MAGI2: variants seen among roughly 807,000 people sequenced by gnomAD.
MAGI2 encodes membrane-associated guanylate kinase, WW and PDZ domain-containing protein 2.
A neutral mutation model predicts 133.3 loss-of-function variants in MAGI2; 35 were observed. That is an observed-to-expected ratio of 0.26 (90% CI 0.20 to 0.35). MAGI2 has a LOEUF of 0.35. Ranked by LOEUF, MAGI2 falls within the 10% of genes least tolerant of loss-of-function variation. The pLI, the probability that MAGI2 is intolerant of heterozygous loss-of-function variation, is 1.00. For missense variants in MAGI2, 1,636 were observed against 1,863.4 expected (o/e 0.88, Z 2.25); for synonymous variants, 729 against 710.6 (o/e 1.03, Z -0.41).
At chr7:78,197,012 TG>T (rs1025412475) in intron 11 of MAGI2, among the ~76,000 whole-genome samples, 21 of 152,190 alleles carry the variant, frequency 1.4e-4, no homozygotes, top group Admixed American at 1.2e-3. Context: ...AATATCACAC[TG>T]GGGGGAATAA....
chr7:78,490,489 T>C (rs1793500140), intron 5 of MAGI2, among the ~76,000 whole-genome samples: 1 of 152,048 alleles, frequency 6.6e-6, no homozygotes, highest in African/African-American at 2.4e-5. Flanking sequence ...ATAATATTTT[T>C]GAAAAAAATG....
rs1824701222 is a variant in MAGI2 at position 78,159,131 on chromosome 7, GTAATAATAAAAC to G, written c.2845+882_2845+893del. Among the ~76,000 whole-genome samples the G allele has an allele frequency of 2.0e-5, 3 of 152,258 alleles. No individual in the cohort carries two copies. The South Asian group carries it at 6.2e-4, about 32-fold the overall frequency. On this transcript the variant is annotated intron_variant, in intron 16 of 21. Transcript: ENST00000354212. ...TGAATGCTCGGGGAGACTGATTTGAGTAATAATAAAACTCTGTCTCCCCGCACAGCCGGCTCT... is the reference window on the plus strand; with the variant it reads ...TGAATGCTCGGGGAGACTGATTTGAGTCTGTCTCCCCGCACAGCCGGCTCT...
At chr7:78,168,158 CTTTTTTT>C in intron 14 of MAGI2, 50 bp from the exon 15 acceptor site, 1 of 1,276,692 alleles carries the variant, frequency 7.8e-7, no homozygotes, top group Admixed American at 2.2e-5. Flanking sequence ...ATCCTTTTTC[CTTTTTTT>C]TTTTTTTCGA....
intron 2 of MAGI2, among the ~76,000 whole-genome samples, chr7:78,748,861 T>C (rs1278109831): frequency 1.3e-5 from 2 of 152,164 alleles, no homozygotes; most frequent in African/African-American, 2.4e-5. Context: ...TTCACATGGG[T>C]TTTGCATAAT....
intron 2 of MAGI2, among the ~76,000 whole-genome samples, chr7:78,781,358 G>A (rs551185924): frequency 1.0e-4 from 13 of 128,506 alleles, no homozygotes; most frequent in South Asian, 2.5e-4. Flanking sequence ...CAGCCTGGGC[G>A]ACACAGTGAG....
At chr7:78,503,167 G>T (rs1584420493) in intron 4 of MAGI2, among the ~76,000 whole-genome samples, 1 of 152,062 alleles carries the variant, frequency 6.6e-6, no homozygotes. Context: ...AGTAATCCAA[G>T]AACTTAACTC....
intron 21 of MAGI2, among the ~76,000 whole-genome samples, chr7:78,042,587 G>A (rs1412147915): frequency 6.6e-6 from 1 of 152,198 alleles, no homozygotes; most frequent in Non-Finnish European, 1.5e-5. Flanking sequence ...AATGCTCTAA[G>A]CCTTGGTTTT....
At chr7:79,286,326 T>C (rs1479829191) in intron 1 of MAGI2, among the ~76,000 whole-genome samples, 1 of 152,034 alleles carries the variant, frequency 6.6e-6, no homozygotes, top group Non-Finnish European at 1.5e-5. Context: ...AGTTGGATAG[T>C]ATCCCCATTT....
intron 1 of MAGI2, among the ~76,000 whole-genome samples, chr7:79,127,981 G>T (rs1408982756): frequency 6.6e-6 from 1 of 152,100 alleles, no homozygotes; most frequent in Admixed American, 6.5e-5. Context: ...TTTGTATAAG[G>T]TGTAAGGAAG....
At chr7:78,160,295 G>C (rs183941954) in intron 15 of MAGI2, 22 bp from the exon 16 acceptor site, 1 of 1,551,714 alleles carries the variant, frequency 6.4e-7, no homozygotes, top group East Asian at 2.3e-5. Flanking sequence ...ACCACACACA[G>C]GTAATCAATT....
At chr7:79,060,865 A>T (rs1813662358) in intron 1 of MAGI2, among the ~76,000 whole-genome samples, 1 of 152,088 alleles carries the variant, frequency 6.6e-6, no homozygotes, top group Non-Finnish European at 1.5e-5. Flanking sequence ...TTACAACAAG[A>T]AATTGAATTA....
intron 1 of MAGI2, among the ~76,000 whole-genome samples, chr7:79,051,282 G>T (rs142826146): frequency 6.6e-6 from 1 of 152,060 alleles, no homozygotes; most frequent in African/African-American, 2.4e-5. Context: ...CACTAATACC[G>T]TGTTACCAAG....
At chr7:78,629,154 G>A (rs1808689029) in intron 2 of MAGI2, among the ~76,000 whole-genome samples, 1 of 152,070 alleles carries the variant, frequency 6.6e-6, no homozygotes, top group Non-Finnish European at 1.5e-5. Context: ...TTCTTGGGAG[G>A]CCCATCAGTA....
At chr7:79,186,192 AT>A (rs1361576868) in intron 1 of MAGI2, among the ~76,000 whole-genome samples, 25 of 328 alleles carry the variant, frequency 0.076, no homozygotes, top group Non-Finnish European at 0.18. Flanking sequence ...GCCTGGGAAA[AT>A]ATATATATAT....
At chr7:78,411,950 G>A (rs1052348504) in intron 6 of MAGI2, among the ~76,000 whole-genome samples, 1 of 151,896 alleles carries the variant, frequency 6.6e-6, no homozygotes, top group South Asian at 2.1e-4. Context: ...TTTAAATGAC[G>A]GTATAAATTT....
intron 2 of MAGI2, among the ~76,000 whole-genome samples, chr7:78,778,619 G>A (rs983774156): frequency 3.3e-5 from 5 of 152,098 alleles, no homozygotes; most frequent in Non-Finnish European, 5.9e-5. Flanking sequence ...TAGAGTAAAG[G>A]AAAATGAAGA....
At chr7:79,347,223 T>C (rs1292753136) in intron 1 of MAGI2, among the ~76,000 whole-genome samples, 1 of 151,960 alleles carries the variant, frequency 6.6e-6, no homozygotes, top group Non-Finnish European at 1.5e-5. Flanking sequence ...CATGTCGACG[T>C]CTTGCAGAAA....
At chr7:78,754,877 G>C (rs1823797657) in intron 2 of MAGI2, among the ~76,000 whole-genome samples, 1 of 152,170 alleles carries the variant, frequency 6.6e-6, no homozygotes. Context: ...CAAATATCCT[G>C]ATATTTCAGG....
intron 4 of MAGI2, 72 bp from the exon 5 acceptor site, chr7:78,501,859 G>C: frequency 1.8e-6 from 2 of 1,103,342 alleles, no homozygotes; most frequent in South Asian, 2.6e-5. Flanking sequence ...GGAGAATGCT[G>C]TACCAGGGAA....
Sources: gnomAD v4.1 joint callset for allele counts (sites outside exome capture counted in the v4.1 genomes callset) on GRCh38, gnomAD v4.1.1 for gene constraint, MANE v1.5 for transcripts, NCBI Gene and HGNC (gene_info 2026-07-23, HGNC 2026-07-21) for gene names.